The following PDXDC1 variants were observed in gnomAD, a reference collection of about 807,000 sequenced individuals.
PDXDC1 encodes pyridoxal-dependent decarboxylase domain-containing protein 1.
In PDXDC1, 42 loss-of-function variants were observed where a neutral mutation model predicts 100.1. That is an observed-to-expected ratio of 0.42 (90% CI 0.33 to 0.54). PDXDC1 has a LOEUF of 0.54. Among genes scored for constraint, PDXDC1 ranks in the 20% least tolerant of loss-of-function variants. The pLI, the probability that PDXDC1 is intolerant of heterozygous loss-of-function variation, is 0.10. For missense variants in PDXDC1, 636 were observed against 979.2 expected, an observed-to-expected ratio of 0.65 and a Z score of 4.68; for synonymous variants, 260 against 371.7, an observed-to-expected ratio of 0.70 and a Z score of 3.46.
intron 16 of PDXDC1, among the ~76,000 whole-genome samples, chr16:15,049,339 T>C (rs1002231526): frequency 6.6e-6 from 1 of 152,184 alleles, no homozygotes; most frequent in Non-Finnish European, 1.5e-5. Flanking sequence ...TCCGCTTTTT[T>C]ACCTTAGTCC....
chr16:15,000,995 A>C (rs1043639781), intron 3 of PDXDC1, among the ~76,000 whole-genome samples: 10 of 151,488 alleles, frequency 6.6e-5, no homozygotes, highest in African/African-American at 2.4e-4. Context: ...CTCTTATTAC[A>C]TGCTTATTAA....
chr16:15,083,070 C>T (rs558389210), intron 16 of PDXDC1, among the ~76,000 whole-genome samples: 41 of 152,282 alleles, frequency 2.7e-4, no homozygotes, highest in Admixed American at 1.8e-3. Flanking sequence ...AATTCTTAGA[C>T]GTCAGTTTAA....
chr16:15,065,143 G>A, intron 16 of PDXDC1: 1 of 1,461,162 alleles, frequency 6.8e-7, no homozygotes, highest in African/African-American at 1.4e-5. Flanking sequence ...TCCAGCCTGG[G>A]CGACAGAGTG....
intron 16 of PDXDC1, among the ~76,000 whole-genome samples, chr16:15,081,479 C>CT (rs2045700880): frequency 6.6e-6 from 1 of 152,148 alleles, no homozygotes; most frequent in Non-Finnish European, 1.5e-5. Flanking sequence ...TTTTCATGTG[C>CT]TTTTTTTGCA....
At chr16:15,041,286 AG>A (rs1291322593), downstream of PDXDC1, among the ~76,000 whole-genome samples, 3 of 152,094 alleles carry the variant, frequency 2.0e-5, no homozygotes, top group Non-Finnish European at 2.9e-5. Context: ...GTCCCAAGGC[AG>A]GGGGGTTTAT....
chr16:15,047,984 C>T, intron 16 of PDXDC1: 1 of 1,606,428 alleles, frequency 6.2e-7, no homozygotes, highest in Non-Finnish European at 8.5e-7. Flanking sequence ...CAATTCACTG[C>T]TTCCTAACCT....
At chr16:14,984,495 A>ATTTTT (rs1159521017) in intron 1 of PDXDC1, among the ~76,000 whole-genome samples, 39 of 73,486 alleles carry the variant, frequency 5.3e-4, no homozygotes, top group African/African-American at 9.0e-4. Context: ...ATATATATAT[A>ATTTTT]TTTTTTTTTT....
chr16:14,992,403 T>A (rs1233050016), intron 1 of PDXDC1, among the ~76,000 whole-genome samples: 2 of 152,280 alleles, frequency 1.3e-5, no homozygotes, highest in East Asian at 3.8e-4. Flanking sequence ...AGCCAAACTG[T>A]TTATCATTTG....
At chr16:15,006,002 T>G (rs1567656556) in intron 5 of PDXDC1, among the ~76,000 whole-genome samples, 1 of 152,300 alleles carries the variant, frequency 6.6e-6, no homozygotes, top group Non-Finnish European at 1.5e-5. Flanking sequence ...ACTAGCATTT[T>G]TGACAGTTTT....
intron 16 of PDXDC1, among the ~76,000 whole-genome samples, chr16:15,088,435 T>G (rs1167444870): frequency 3.9e-5 from 6 of 152,042 alleles, no homozygotes; most frequent in African/African-American, 1.5e-4. Context: ...CCCATTACAC[T>G]CCAGCCCGGG....
chr16:15,063,313 A>C, intron 16 of PDXDC1: 2 of 1,517,656 alleles, frequency 1.3e-6, no homozygotes, highest in Non-Finnish European at 1.8e-6. Flanking sequence ...TTCAAAGTCA[A>C]GTTAAATACT....
At chr16:15,076,915 C>T (rs1461865684) in intron 16 of PDXDC1, among the ~76,000 whole-genome samples, 1 of 152,102 alleles carries the variant, frequency 6.6e-6, no homozygotes, top group African/African-American at 2.4e-5. Context: ...TGCCAGGCAG[C>T]CTCAACAAAT....
At chr16:15,073,621 A>C (rs1421598481) in intron 16 of PDXDC1, among the ~76,000 whole-genome samples, 1 of 152,220 alleles carries the variant, frequency 6.6e-6, no homozygotes, top group Admixed American at 6.5e-5. Context: ...AACCCTTCTG[A>C]AGAGCAATTC....
intron 14 of PDXDC1, among the ~76,000 whole-genome samples, chr16:15,027,783 C>G (rs1478793515): frequency 6.6e-6 from 1 of 152,292 alleles, no homozygotes; most frequent in Non-Finnish European, 1.5e-5. Context: ...CATCCAGCCA[C>G]TTCTGTCTGC....
chr16:15,148,886 G>A, the PDXDC1 span, among the ~76,000 whole-genome samples: 1 of 152,100 alleles, frequency 6.6e-6, no homozygotes, highest in South Asian at 2.1e-4. Flanking sequence ...GCCGGCAATC[G>A]CGTACAGGAG....
chr16:15,149,019 G>GT, the PDXDC1 span, among the ~76,000 whole-genome samples: 2 of 152,222 alleles, frequency 1.3e-5, no homozygotes, highest in Admixed American at 6.5e-5. Flanking sequence ...CGGGAGCCAC[G>GT]TAAGACCCGG....
Position 15,125,571 on chromosome 16 carries a change from C to T in PDXDC1, c.1400-13308C>T, listed in dbSNP as rs534098511. ...CCCACCTCTTAGAATCATCCAGAAA[C>T]AAGTCACTCTTCACCTGTCCAGCAA... On this transcript the variant is annotated intron_variant, in intron 16 of 16. Coordinates refer to the PDXDC1 transcript ENST00000535621. 11 of 1,536,506 alleles carry T rather than the reference C, an allele frequency of 7.2e-6. No individual in the cohort carries two copies. The Admixed American group carries it at 1.0e-4, about 14-fold the overall frequency.
rs769994046 is a variant in PDXDC1, at chr16:15,110,608, C to A, written c.1400-28271C>A. 27 of 1,579,926 alleles carry A rather than the reference C, an allele frequency of 1.7e-5. 2 individuals carry two copies. The highest frequency in any genetic ancestry group is 2.3e-5 in the Non-Finnish European group (27 of 1,165,700). On this transcript the variant is annotated intron_variant, in intron 16 of 16. Transcript: ENST00000535621. ...TTGTGTGCATACAAATGGACTTCAG[C>A]CCTTGGTGAGAGTGAGGAGAGGAGA...
At chr16:15,102,275 T>C (rs974696505) in intron 16 of PDXDC1, among the ~76,000 whole-genome samples, 4 of 151,898 alleles carry the variant, frequency 2.6e-5, no homozygotes, top group African/African-American at 9.7e-5. Context: ...TACAGATGGG[T>C]GTCACCGCAC....
Sources: allele counts gnomAD v4.1 joint callset (sites outside exome capture counted in the v4.1 genomes callset), GRCh38; gene constraint gnomAD v4.1.1; transcripts MANE v1.5; gene names NCBI Gene and HGNC (gene_info 2026-07-23, HGNC 2026-07-21).